BBOX1: variants seen among roughly 807,000 people sequenced by gnomAD.
BBOX1 encodes gamma-butyrobetaine dioxygenase.
In BBOX1, 35 loss-of-function variants were observed where a neutral mutation model predicts 41.6. The ratio of observed to expected loss-of-function variants is 0.84; its 90% CI spans 0.64 to 1.11. The LOEUF (loss-of-function observed/expected upper bound fraction) is 1.11, where lower values mean the gene tolerates loss of function less well. BBOX1 is among the 50% of genes most tolerant of loss of function. The pLI is 0.00. For synonymous variants in BBOX1, 163 were observed against 154.7 expected (o/e 1.05, Z -0.40); for missense variants, 458 against 460.6 (o/e 0.99, Z 0.05).
intron 4 of BBOX1, among the ~76,000 whole-genome samples, chr11:27,078,160 G>A (rs979964931): frequency 3.3e-5 from 5 of 151,954 alleles, no homozygotes; most frequent in South Asian, 2.1e-4. Context: ...ACATCCTAAT[G>A]AAGACCTTCA....
chr11:27,069,797 T>C (rs556385970), intron 4 of BBOX1, among the ~76,000 whole-genome samples: 1 of 152,250 alleles, frequency 6.6e-6, no homozygotes, highest in Admixed American at 6.5e-5. Flanking sequence ...CTCCTAGCAT[T>C]TTGAGGTACG....
rs376244867 is a variant in BBOX1 at position 27,125,696 on chromosome 11, C to T, written c.879C>T (p.Asn293=). The part of the protein sequence containing the change: ...KGQVVRINFN[N]ATRDTIFDVP... The stretch of plus-strand genomic sequence containing the variant: ...AAGTGGTTCGCATCAACTTCAATAA[C>T]GCAACTAGGGACACAATATTTGATG... Residue 293 remains asparagine, a synonymous_variant, in exon 8 of 9, where the codon AAC becomes AAT. Transcript: ENST00000263182. The T allele has an allele frequency of 1.7e-5, 27 of 1,602,718 alleles. 1 individual carries two copies. The highest frequency in any genetic ancestry group is 1.2e-4 in the Admixed American group (7 of 58,768).
chr11:27,051,798 A>G (rs911828119), intron 2 of BBOX1, among the ~76,000 whole-genome samples: 2 of 151,816 alleles, frequency 1.3e-5, no homozygotes, highest in African/African-American at 2.4e-5. Context: ...TTTCTGCTCT[A>G]ATCTTTATTA....
chr11:27,078,254 G>GCAT (rs1257379461), intron 4 of BBOX1, among the ~76,000 whole-genome samples: 1 of 152,014 alleles, frequency 6.6e-6, no homozygotes, highest in African/African-American at 2.4e-5. Context: ...TAGGAAATAG[G>GCAT]CATCACTTCA....
intron 4 of BBOX1, among the ~76,000 whole-genome samples, chr11:27,087,516 T>C (rs886949111): frequency 6.6e-6 from 1 of 152,152 alleles, no homozygotes; most frequent in African/African-American, 2.4e-5. Context: ...TACAGTATAA[T>C]GTAAACATAA....
intron 5 of BBOX1, among the ~76,000 whole-genome samples, chr11:27,106,886 G>A (rs375869268): frequency 1.3e-5 from 2 of 152,042 alleles, no homozygotes; most frequent in African/African-American, 4.8e-5. Flanking sequence ...ATAACAAACT[G>A]TCTCTCAGAC....
chr11:27,070,706 A>ATTTTTTTTTTTTTTTTTTTTTTTTTT (rs58041903), intron 4 of BBOX1, among the ~76,000 whole-genome samples: 1 of 133,726 alleles, frequency 7.5e-6, no homozygotes. Context: ...TTTGTGATTG[A>ATTTTTTTTTTTTTTTTTTTTTTTTTT]TTTTTTTTTT....
At chr11:27,061,035 G>A (rs796668699) in intron 4 of BBOX1, among the ~76,000 whole-genome samples, 34 of 152,088 alleles carry the variant, frequency 2.2e-4, no homozygotes, top group African/African-American at 8.2e-4. Context: ...GACTTCTTCT[G>A]GTACTCAAAA....
rs1851344354 is a variant in BBOX1, at chr11:27,041,380, AT to A, written c.-135del. The A allele has an allele frequency of 6.6e-6, 1 of 152,072 alleles. No individual in the cohort carries two copies. Among genetic ancestry groups the A allele is most frequent in the South Asian group, 2.1e-4 (1 of 4,808 alleles). 9.4% of individuals were successfully genotyped at this position (152,072 alleles called of 1,614,324 possible). A position where few individuals can be genotyped will look rare whatever the true frequency, so the allele number is the denominator to read the frequency against. On this transcript the variant is annotated 5_prime_UTR_variant, in exon 2 of 9. The change creates a new upstream start codon in the 5' untranslated region. Coordinates refer to ENST00000263182, the MANE Select transcript of BBOX1 (RefSeq NM_003986.3). ...CTTCCAAGAAAAAGTACCACATCAG[AT>A]TGGAAACTGGGGACAGATCATTCCT... is the stretch of plus-strand genomic sequence containing the variant.
rs551267414 is a variant in BBOX1, at chr11:27,055,429, A to G, written c.-2A>G. On this transcript the variant is annotated 5_prime_UTR_variant, in exon 3 of 9. Coordinates refer to ENST00000263182, the MANE Select transcript of BBOX1 (RefSeq NM_003986.3). Reference sequence around the variant, plus strand: ...CAGCATCTACTCCTGAAGACCGGAAACATGGCTTGTACCATCCAAAAGGCA... The same window carrying G: ...CAGCATCTACTCCTGAAGACCGGAAGCATGGCTTGTACCATCCAAAAGGCA... The G allele has an allele frequency of 3.7e-6, 6 of 1,612,450 alleles. No individual in the cohort carries two copies. Among genetic ancestry groups the G allele is most frequent in the Non-Finnish European group, 5.1e-6 (6 of 1,179,418 alleles).
At chr11:27,071,928 A>G (rs1183410436) in intron 4 of BBOX1, among the ~76,000 whole-genome samples, 5 of 152,104 alleles carry the variant, frequency 3.3e-5, no homozygotes, top group Non-Finnish European at 1.5e-5. Flanking sequence ...TCTCAAAATA[A>G]TAAGAGCTAT....
intron 4 of BBOX1, among the ~76,000 whole-genome samples, chr11:27,092,375 G>A (rs893786767): frequency 7.2e-5 from 11 of 151,916 alleles, no homozygotes; most frequent in Non-Finnish European, 1.6e-4. Context: ...GGCTTTTCCT[G>A]AATTCAGTTG....
intron 6 of BBOX1, among the ~76,000 whole-genome samples, chr11:27,117,726 G>T (rs1859318479): frequency 6.6e-6 from 1 of 151,940 alleles, no homozygotes; most frequent in South Asian, 2.1e-4. Flanking sequence ...CTTCATAAAT[G>T]TTCCTGAAGT....
intron 4 of BBOX1, among the ~76,000 whole-genome samples, chr11:27,089,255 A>G (rs1432955957): frequency 6.6e-6 from 1 of 151,954 alleles, no homozygotes; most frequent in Non-Finnish European, 1.5e-5. Flanking sequence ...AATCTCAATA[A>G]CCATGTGTTT....
At chr11:27,067,910 T>G (rs920349233) in intron 4 of BBOX1, among the ~76,000 whole-genome samples, 18 of 152,130 alleles carry the variant, frequency 1.2e-4, no homozygotes, top group African/African-American at 4.3e-4. Flanking sequence ...AAGACATTAT[T>G]TTATTCTTTT....
intron 5 of BBOX1, among the ~76,000 whole-genome samples, chr11:27,100,190 A>G (rs1464205573): frequency 1.3e-5 from 2 of 152,118 alleles, no homozygotes; most frequent in Non-Finnish European, 2.9e-5. Context: ...TGCTCCTACC[A>G]TGAATACAGC....
intron 4 of BBOX1, among the ~76,000 whole-genome samples, chr11:27,083,427 C>T (rs1016481262): frequency 6.6e-6 from 1 of 152,038 alleles, no homozygotes; most frequent in Non-Finnish European, 1.5e-5. Flanking sequence ...TGGTACACGC[C>T]CTCTTGCCCC....
chr11:27,099,804 G>A (rs770140006), intron 5 of BBOX1, among the ~76,000 whole-genome samples: 1 of 152,112 alleles, frequency 6.6e-6, no homozygotes, highest in Non-Finnish European at 1.5e-5. Context: ...TTTAATACCT[G>A]CTATGTCCTT....
chr11:27,089,603 C>A (rs1365884401), intron 4 of BBOX1, among the ~76,000 whole-genome samples: 1 of 151,932 alleles, frequency 6.6e-6, no homozygotes, highest in East Asian at 1.9e-4. Context: ...ACGTTTTATT[C>A]AGTGATAAGA....
Sources: allele counts gnomAD v4.1 joint callset (sites outside exome capture counted in the v4.1 genomes callset), GRCh38; gene constraint gnomAD v4.1.1; transcripts MANE v1.5; gene names NCBI Gene and HGNC (gene_info 2026-07-23, HGNC 2026-07-21).